Variants in TENM4 observed in about 807,000 individuals in gnomAD.
The protein encoded by TENM4 is teneurin transmembrane protein 4, also known as teneurin-4.
Under a neutral mutation model 243.3 loss-of-function variants are expected in TENM4, and 82 were observed. The observed-to-expected ratio is 0.34, with a 90% confidence interval of 0.28 to 0.40. The LOEUF (loss-of-function observed/expected upper bound fraction) is 0.40, where lower values mean the gene tolerates loss of function less well. Ranked by LOEUF, TENM4 falls within the 10% of genes least tolerant of loss-of-function variation. The pLI is 1.00. For missense variants in TENM4, 3,138 were observed against 3,673.3 expected, an observed-to-expected ratio of 0.85 and a Z score of 3.77; for synonymous variants, 1,412 against 1,456.3, an observed-to-expected ratio of 0.97 and a Z score of 0.69.
chr11:78,963,510 G>A (rs1857374815), intron 6 of TENM4, among the ~76,000 whole-genome samples: 1 of 152,176 alleles, frequency 6.6e-6, no homozygotes, highest in Non-Finnish European at 1.5e-5. Flanking sequence ...TTATAACATA[G>A]TCATATCCAT....
At chr11:78,980,223 A>G (rs1857760655) in intron 6 of TENM4, among the ~76,000 whole-genome samples, 1 of 152,244 alleles carries the variant, frequency 6.6e-6, no homozygotes, top group South Asian at 2.1e-4. Flanking sequence ...TTGATCGAGC[A>G]CTTTCTCTTT....
chr11:79,090,326 A>AATTGGTTACAAAC (rs1860915083), intron 4 of TENM4, among the ~76,000 whole-genome samples: 1 of 152,290 alleles, frequency 6.6e-6, no homozygotes. Flanking sequence ...ATAAATGCCA[A>AATTGGTTACAAAC]ACCTCTAATT....
chr11:78,835,585 C>T (rs1858084003), intron 12 of TENM4, among the ~76,000 whole-genome samples: 1 of 152,178 alleles, frequency 6.6e-6, no homozygotes, highest in African/African-American at 2.4e-5. Flanking sequence ...AGGCCCTAGT[C>T]CTCATCCTCC....
At chr11:78,779,257 G>A (rs58422047) in intron 16 of TENM4, among the ~76,000 whole-genome samples, 11,157 of 152,264 alleles carry the variant, frequency 0.073, 1,384 homozygotes, top group African/African-American at 0.25. Context: ...AATGCTTAGC[G>A]TTCTAAGTAA....
chr11:79,229,155 T>TA (rs1462379784), intron 2 of TENM4, among the ~76,000 whole-genome samples: 1 of 152,242 alleles, frequency 6.6e-6, no homozygotes, highest in Non-Finnish European at 1.5e-5. Flanking sequence ...AACTGTCCCT[T>TA]ATGTTTTTAA....
chr11:79,359,647 G>A (rs1182966390), intron 1 of TENM4, among the ~76,000 whole-genome samples: 1 of 152,144 alleles, frequency 6.6e-6, no homozygotes, highest in Non-Finnish European at 1.5e-5. Flanking sequence ...AAGTGCTGAG[G>A]TCGAAGGGGG....
intron 20 of TENM4, among the ~76,000 whole-genome samples, chr11:78,736,446 G>GT (rs1855794660): frequency 1.9e-4 from 1 of 5,346 alleles, no homozygotes; most frequent in South Asian, 0.024. Flanking sequence ...ATTTCAGCAA[G>GT]TGTGTGTGTG....
chr11:79,128,555 A>T (rs188351496), intron 4 of TENM4, among the ~76,000 whole-genome samples: 149 of 152,312 alleles, frequency 9.8e-4, no homozygotes, highest in African/African-American at 3.2e-3. Flanking sequence ...ATGGGGAGTT[A>T]GTTCCCTATG....
chr11:79,306,237 T>C (rs998304118), intron 1 of TENM4, among the ~76,000 whole-genome samples: 1 of 152,196 alleles, frequency 6.6e-6, no homozygotes, highest in Non-Finnish European at 1.5e-5. Context: ...GAGACACAGC[T>C]GTTCTGTAAC....
chr11:79,115,684 G>C (rs1454418399), intron 4 of TENM4, among the ~76,000 whole-genome samples: 1 of 152,180 alleles, frequency 6.6e-6, no homozygotes. Context: ...CTCAGATGCT[G>C]TCCCTATTTG....
chr11:79,248,243 G>T (rs1406236297), intron 2 of TENM4, among the ~76,000 whole-genome samples: 1 of 152,164 alleles, frequency 6.6e-6, no homozygotes. Context: ...GGCAAGGCAT[G>T]GGATACATAC....
intron 21 of TENM4, 124 bp downstream of exon 21, chr11:78,732,191 AG>A: frequency 7.4e-7 from 1 of 1,351,908 alleles, no homozygotes; most frequent in Non-Finnish European, 9.9e-7. Context: ...TTTGCATAAC[AG>A]GCTGATGGGA....
intron 2 of TENM4, among the ~76,000 whole-genome samples, chr11:79,296,712 A>G (rs1317600108): frequency 6.6e-6 from 1 of 152,250 alleles, no homozygotes; most frequent in Non-Finnish European, 1.5e-5. Context: ...ACCCTTACTC[A>G]AGGTATGGCT....
chr11:79,227,106 C>T (rs1438412904), intron 2 of TENM4, among the ~76,000 whole-genome samples: 2 of 152,208 alleles, frequency 1.3e-5, no homozygotes, highest in African/African-American at 4.8e-5. Context: ...GCCAGGGTAT[C>T]TTCACCTCTT....
intron 6 of TENM4, among the ~76,000 whole-genome samples, chr11:78,942,813 CAAA>C (rs35375685): frequency 2.1e-4 from 23 of 111,768 alleles, no homozygotes; most frequent in African/African-American, 2.3e-4. Context: ...TCATGACAGA[CAAA>C]AAAAAAAAAA....
At chr11:78,962,699 C>T (rs1270883231) in intron 6 of TENM4, among the ~76,000 whole-genome samples, 4 of 152,232 alleles carry the variant, frequency 2.6e-5, no homozygotes, top group Admixed American at 1.3e-4. Context: ...AGCTGCCCCT[C>T]TCTGGCCTCA....
intron 6 of TENM4, among the ~76,000 whole-genome samples, chr11:78,925,170 A>C (rs1240658519): frequency 6.6e-6 from 1 of 152,146 alleles, no homozygotes; most frequent in Non-Finnish European, 1.5e-5. Context: ...ACAAAACAAA[A>C]CAGAGCAAAG....
intron 32 of TENM4, among the ~76,000 whole-genome samples, chr11:78,661,810 G>A (rs1858038487): frequency 6.6e-6 from 1 of 152,132 alleles, no homozygotes; most frequent in African/African-American, 2.4e-5. Flanking sequence ...CAAGAGTGAT[G>A]ACACTGAAAT....
At chr11:78,853,301 C>T (rs977129129) in intron 12 of TENM4, among the ~76,000 whole-genome samples, 8 of 152,178 alleles carry the variant, frequency 5.3e-5, no homozygotes, top group African/African-American at 1.9e-4. Flanking sequence ...TGTTTTCTGA[C>T]CCGAACTGCC....
Sources: gnomAD v4.1 joint callset for allele counts (sites outside exome capture counted in the v4.1 genomes callset) on GRCh38, gnomAD v4.1.1 for gene constraint, MANE v1.5 for transcripts, NCBI Gene and HGNC (gene_info 2026-07-23, HGNC 2026-07-21) for gene names.